C1orf94: variants seen among roughly 807,000 people sequenced by gnomAD.
C1orf94 encodes the protein uncharacterized protein C1orf94.
In C1orf94, 45 loss-of-function variants were observed where a neutral mutation model predicts 53.6. The ratio of observed to expected loss-of-function variants is 0.84; its 90% CI spans 0.66 to 1.08. The LOEUF is 1.08. Among genes scored for constraint, C1orf94 ranks in the 50% least tolerant of loss-of-function variants. C1orf94 has a pLI of 0.00. For synonymous variants in C1orf94, 304 were observed against 296.1 expected, an observed-to-expected ratio of 1.03 and a Z score of -0.27; for missense variants, 762 against 738.9, an observed-to-expected ratio of 1.03 and a Z score of -0.36.
intron 5 of C1orf94, among the ~76,000 whole-genome samples, chr1:34,210,365 A>G (rs1234458796): frequency 6.6e-6 from 1 of 152,204 alleles, no homozygotes; most frequent in Non-Finnish European, 1.5e-5. Context: ...CCACTGGAGA[A>G]CATTGGGGAA....
chr1:34,185,182 A>G (rs953411068), intron 1 of C1orf94, among the ~76,000 whole-genome samples: 45 of 152,040 alleles, frequency 3.0e-4, no homozygotes, highest in African/African-American at 9.6e-4. Flanking sequence ...TTATTTTTAA[A>G]TTTATTTTTA....
chr1:34,186,649 G>A (rs1642388796), intron 1 of C1orf94, among the ~76,000 whole-genome samples: 1 of 152,230 alleles, frequency 6.6e-6, no homozygotes, highest in African/African-American at 2.4e-5. Context: ...AGCTACATGG[G>A]ATAGATCTTT....
At position 34,197,128 on chromosome 1, in the gene C1orf94, T is replaced by C. The variant is rs144259663; in HGVS notation, c.321-97T>C. 495 of 1,100,802 alleles carry C rather than the reference T, an allele frequency of 4.5e-4. No homozygotes were observed. Among genetic ancestry groups the C allele is most frequent in the Admixed American group, 1.4e-3 (50 of 34,722 alleles). 68.2% of individuals were successfully genotyped at this position (1,100,802 alleles called of 1,614,324 possible). ...CTGGAAGTGTGTTTTTGTCATGTTA[T>C]GCATCCATCTCCCTTTTCTGGGGCC... On this transcript the variant is annotated intron_variant, in intron 1 of 6. Coordinates refer to ENST00000488417, the MANE Select transcript of C1orf94 (RefSeq NM_001134734.2). This position sits in a 1 kb window ranked among gnomAD's most constrained non-coding sequence, Gnocchi z 4.1.
In C1orf94 at chr1:34,191,926, G is replaced by A. The variant is rs552874080; in HGVS notation, c.321-5299G>A. On this transcript the variant is annotated intron_variant, in intron 1 of 6. Transcript: ENST00000488417. ...AATGCAGAAATAATGCACAGCATCC[G>A]AGTATGGCGCTACTATTGGACAACT... Among the ~76,000 whole-genome samples the A allele has an allele frequency of 8.5e-5, 13 of 152,210 alleles. No homozygotes were observed. The East Asian group carries it at 1.7e-3, about 20-fold the overall frequency.
intron 1 of C1orf94, among the ~76,000 whole-genome samples, chr1:34,179,206 G>A (rs967991426): frequency 2.0e-5 from 3 of 152,254 alleles, no homozygotes; most frequent in Non-Finnish European, 4.4e-5. Flanking sequence ...GCAGATGAAG[G>A]TGGAAGGCAC....
rs117114968 is a variant in C1orf94, at chr1:34,179,770, A to G, written c.320+1661A>G. On this transcript the variant is annotated intron_variant, in intron 1 of 6. Transcript: ENST00000488417. ...TGTTGTTTTTGTTGTTGTTGGCTTCAATCTGGGGTTCACACTATGCTCCAT... is the reference window on the plus strand; with the variant it reads ...TGTTGTTTTTGTTGTTGTTGGCTTCGATCTGGGGTTCACACTATGCTCCAT... Among the ~76,000 whole-genome samples the G allele has an allele frequency of 4.6e-3, 693 of 152,268 alleles. 15 individuals carry two copies. The East Asian group carries it at 0.069, about 15-fold the overall frequency.
chr1:34,168,869 G>T (rs945364040), intron 1 of C1orf94, among the ~76,000 whole-genome samples: 1 of 152,112 alleles, frequency 6.6e-6, no homozygotes, highest in Admixed American at 6.5e-5. Flanking sequence ...CTAGGGGTTC[G>T]GACTTCAACC....
intron 4 of C1orf94, among the ~76,000 whole-genome samples, chr1:34,202,556 A>T (rs1041043497): frequency 1.3e-5 from 2 of 152,174 alleles, no homozygotes; most frequent in African/African-American, 4.8e-5. Context: ...TCCGAATTCC[A>T]GTTCACACTG....
rs1186288467 is a variant in C1orf94, at chr1:34,177,516, T to C, written c.-274T>C. 6.6e-6 allele frequency among the ~76,000 whole-genome samples: 1 copy of C among 152,224 alleles called. No individual in the cohort carries two copies. The highest frequency in any genetic ancestry group is 1.5e-5 in the Non-Finnish European group (1 of 68,032). On this transcript the variant is annotated 5_prime_UTR_variant, in exon 1 of 7. Coordinates refer to ENST00000488417, the MANE Select transcript of C1orf94 (RefSeq NM_001134734.2). ...TCTGCCCGCCCAGGCGCCTGGTTCC[T>C]GAGCTCCGCAGCATTCCACTGTTCC... is the stretch of plus-strand genomic sequence containing the variant.
chr1:34,218,659 A>T, intron 6 of C1orf94, 27 bp from the exon 7 acceptor site: 2 of 1,592,168 alleles, frequency 1.3e-6, no homozygotes, highest in Non-Finnish European at 1.7e-6. Flanking sequence ...GAATCTCATC[A>T]TGGCATCCAC....
intron 1 of C1orf94, among the ~76,000 whole-genome samples, chr1:34,183,306 T>C (rs1451452523): frequency 6.6e-6 from 1 of 152,262 alleles, no homozygotes; most frequent in African/African-American, 2.4e-5. Flanking sequence ...ATTCATTCAT[T>C]CCCCTAATCT....
rs1435367447 is a variant in C1orf94 at position 34,187,315 on chromosome 1, G to T, written c.320+9206G>T. 3.9e-5 allele frequency among the ~76,000 whole-genome samples: 6 copies of T among 152,232 alleles called. No homozygotes were observed. In the South Asian group the frequency reaches 1.2e-3, roughly 32 times the overall value. On this transcript the variant is annotated intron_variant, in intron 1 of 6. Coordinates refer to ENST00000488417, the MANE Select transcript of C1orf94 (RefSeq NM_001134734.2). The stretch of plus-strand genomic sequence containing the variant: ...AGAGCACGGATAAGAGTTTGATGTG[G>T]CTTCAAGGCTTGAGTTCTACCCGGA...
In C1orf94 at chr1:34,178,059, T is replaced by C. The variant is rs1446976129; in HGVS notation, c.270T>C (p.Ser90=). The C allele has an allele frequency of 1.9e-6, 3 of 1,551,746 alleles. No individual in the cohort carries two copies. Among genetic ancestry groups the C allele is most frequent in the Non-Finnish European group, 2.6e-6 (3 of 1,146,994 alleles). Residue 90 remains serine, a synonymous_variant, in exon 1 of 7, where the codon TCT becomes TCC. Coordinates refer to ENST00000488417, the MANE Select transcript of C1orf94 (RefSeq NM_001134734.2). ...SQPWTSMEQL[S]VPVVGTLRGN... is the part of the protein sequence containing the mutation. ...CCTGGACCTCCATGGAGCAGCTCTCTGTCCCTGTGGTTGGAACTCTAAGAG... is the reference window on the plus strand; with the variant it reads ...CCTGGACCTCCATGGAGCAGCTCTCCGTCCCTGTGGTTGGAACTCTAAGAG...
chr1:34,170,989 G>A (rs1642137818), intron 1 of C1orf94, among the ~76,000 whole-genome samples: 1 of 152,134 alleles, frequency 6.6e-6, no homozygotes, highest in Non-Finnish European at 1.5e-5. Context: ...GCCCATCTCT[G>A]CTCTTGCCCT....
intron 1 of C1orf94, among the ~76,000 whole-genome samples, chr1:34,171,663 A>G (rs1412705361): frequency 1.3e-5 from 2 of 152,198 alleles, no homozygotes; most frequent in African/African-American, 4.8e-5. Flanking sequence ...TCTTTTATGA[A>G]AACAGAATTG....
intron 1 of C1orf94, among the ~76,000 whole-genome samples, chr1:34,182,210 G>A (rs760819970): frequency 6.6e-6 from 1 of 152,080 alleles, no homozygotes; most frequent in Non-Finnish European, 1.5e-5. Context: ...AAAACCAAAA[G>A]GAAAAGCAAA....
intron 1 of C1orf94, among the ~76,000 whole-genome samples, chr1:34,189,902 G>A (rs776156775): frequency 6.6e-6 from 1 of 152,226 alleles, no homozygotes; most frequent in Non-Finnish European, 1.5e-5. Context: ...AAAGGACAGA[G>A]CTGGGTTTTG....
chr1:34,212,578 A>G (rs887882499), intron 6 of C1orf94, among the ~76,000 whole-genome samples, 172 bp downstream of exon 6: 1 of 152,128 alleles, frequency 6.6e-6, no homozygotes, highest in East Asian at 1.9e-4. Flanking sequence ...GACCTGGTGC[A>G]GAGATGAAGA....
intron 5 of C1orf94, among the ~76,000 whole-genome samples, chr1:34,211,841 A>G (rs1642894519): frequency 6.6e-6 from 1 of 152,174 alleles, no homozygotes; most frequent in Admixed American, 6.5e-5. Context: ...AAAATAAACA[A>G]GGAGCTTTTG....
Sources: allele counts gnomAD v4.1 joint callset (sites outside exome capture counted in the v4.1 genomes callset), GRCh38; gene constraint gnomAD v4.1.1; non-coding constraint Gnocchi (gnomAD v3.1); transcripts MANE v1.5; gene names NCBI Gene and HGNC (gene_info 2026-07-23, HGNC 2026-07-21).